The following DIP2C variants were observed in gnomAD, a reference collection of about 807,000 sequenced individuals.
DIP2C encodes disco-interacting protein 2 homolog C.
DIP2C carries 33 observed loss-of-function variants against 192.4 expected under a neutral mutation model. The ratio of observed to expected loss-of-function variants is 0.17; its 90% CI spans 0.13 to 0.23. DIP2C has a LOEUF of 0.23. DIP2C is among the 10% of genes least tolerant of loss of function. DIP2C has a pLI of 1.00. For synonymous variants in DIP2C, 979 were observed against 864.1 expected (o/e 1.13, Z -2.33); for missense variants, 1,537 against 2,110.1 (o/e 0.73, Z 5.32).
At chr10:644,379 T>C (rs1410558252) in intron 1 of DIP2C, among the ~76,000 whole-genome samples, 1 of 152,276 alleles carries the variant, frequency 6.6e-6, no homozygotes, top group Non-Finnish European at 1.5e-5. Context: ...GTGAAGCTGT[T>C]GAAAGCCTAC....
intron 1 of DIP2C, among the ~76,000 whole-genome samples, chr10:516,195 G>A (rs560071093): frequency 6.9e-6 from 1 of 144,828 alleles, no homozygotes; most frequent in African/African-American, 2.6e-5. Flanking sequence ...CTTCCGGGCA[G>A]GAAAGATGGA....
intron 1 of DIP2C, among the ~76,000 whole-genome samples, chr10:619,500 C>G (rs1283280782): frequency 7.0e-6 from 1 of 142,194 alleles, no homozygotes; most frequent in East Asian, 2.2e-4. Context: ...ATATCGGGAG[C>G]ACAGGCTTTA....
chr10:333,548 C>A (rs979965517), intron 29 of DIP2C, among the ~76,000 whole-genome samples: 1 of 152,218 alleles, frequency 6.6e-6, no homozygotes, highest in African/African-American at 2.4e-5. Flanking sequence ...CAGTCACCTG[C>A]TAGCGGATAC....
At chr10:439,003 G>A (rs906846351) in intron 4 of DIP2C, among the ~76,000 whole-genome samples, 1 of 151,956 alleles carries the variant, frequency 6.6e-6, no homozygotes, top group Non-Finnish European at 1.5e-5. Context: ...TTGTACTTTT[G>A]GTGGAGACAA....
At chr10:433,758 C>A (rs1966954186) in intron 4 of DIP2C, among the ~76,000 whole-genome samples, 1 of 152,030 alleles carries the variant, frequency 6.6e-6, no homozygotes. Context: ...ATATATATTT[C>A]TTTATATCTA....
At chr10:368,425 G>C (rs1165855020) in intron 18 of DIP2C, among the ~76,000 whole-genome samples, 1 of 152,250 alleles carries the variant, frequency 6.6e-6, no homozygotes, top group Non-Finnish European at 1.5e-5. Context: ...GGGAGGCAGG[G>C]AGTGGGCTGG....
intron 2 of DIP2C, among the ~76,000 whole-genome samples, chr10:483,147 T>C (rs1449846851): frequency 6.6e-6 from 1 of 152,166 alleles, no homozygotes; most frequent in Admixed American, 6.5e-5. Flanking sequence ...CCATTGTAGC[T>C]CGTAATTCTG....
chr10:486,906 G>T (rs1204718914), intron 1 of DIP2C, among the ~76,000 whole-genome samples: 1 of 152,196 alleles, frequency 6.6e-6, no homozygotes, highest in Non-Finnish European at 1.5e-5. Flanking sequence ...GGGCCGGGAT[G>T]GCCGACACCA....
At chr10:376,889 T>C (rs926131490) in intron 17 of DIP2C, among the ~76,000 whole-genome samples, 5 of 152,264 alleles carry the variant, frequency 3.3e-5, no homozygotes, top group African/African-American at 1.2e-4. Context: ...AATGTGCATG[T>C]ACCTTTTTCG....
At chr10:520,411 G>A in intron 1 of DIP2C, among the ~76,000 whole-genome samples, 1 of 152,228 alleles carries the variant, frequency 6.6e-6, no homozygotes, top group East Asian at 1.9e-4. Context: ...GATAAAGTTA[G>A]AAATAAATTT....
chr10:433,467 A>G (rs973489849), intron 4 of DIP2C, among the ~76,000 whole-genome samples: 39 of 152,136 alleles, frequency 2.6e-4, no homozygotes, highest in Non-Finnish European at 4.9e-4. Context: ...ACCTGAGGTC[A>G]GGAGTTCAAG....
At chr10:656,431 A>T (rs146522871) in intron 1 of DIP2C, among the ~76,000 whole-genome samples, 1 of 152,352 alleles carries the variant, frequency 6.6e-6, no homozygotes, top group South Asian at 2.1e-4. Flanking sequence ...GTCCCACTAC[A>T]TAAGAGCAGA....
At position 283,386 on chromosome 10, in the gene DIP2C, G is replaced by A; in HGVS notation, c.4180C>T (p.Leu1394Phe). 1.2e-6 allele frequency: 2 copies of A among 1,614,188 alleles called. No individual in the cohort carries two copies. The highest frequency in any genetic ancestry group is 1.7e-6 in the Non-Finnish European group (2 of 1,180,048). ...GYFTIYGDES[L>F]QSDHFNSRLS... ...CTTGAGTTGAAGTGATCTGACTGGA[G>A]GGATTCGTCTCCGTAAATAGTGAAA... The change falls in exon 35 of 37, where the codon CTC (leucine) becomes TTC (phenylalanine). Residue 1394 changes from leucine (L) to phenylalanine (F), a missense_variant. Leu to Phe is a conservative substitution (Grantham distance 22). This residue lies in a region of DIP2C where 341 missense variants were observed against 551.7 expected (regional missense o/e 0.62). Transcript: ENST00000280886.
chr10:286,811 ATGCT>A (rs1389409354), intron 33 of DIP2C, among the ~76,000 whole-genome samples: 1 of 152,228 alleles, frequency 6.6e-6, no homozygotes, highest in African/African-American at 2.4e-5. Flanking sequence ...ATGGAGGGTG[ATGCT>A]TGCAGTAATC....
At chr10:438,088 T>C (rs759690634) in intron 4 of DIP2C, among the ~76,000 whole-genome samples, 1 of 152,206 alleles carries the variant, frequency 6.6e-6, no homozygotes, top group Admixed American at 6.5e-5. Context: ...TTACAGAAGG[T>C]TTTTTATGGT....
chr10:594,934 G>A (rs1165077484), intron 1 of DIP2C, among the ~76,000 whole-genome samples: 1 of 152,176 alleles, frequency 6.6e-6, no homozygotes, highest in Non-Finnish European at 1.5e-5. Context: ...CAACTTCCAA[G>A]GCCTGCAAAG....
intron 22 of DIP2C, among the ~76,000 whole-genome samples, chr10:359,138 C>T (rs1182509493): frequency 2.0e-5 from 3 of 152,248 alleles, no homozygotes; most frequent in South Asian, 2.1e-4. Context: ...AACAAGGCTT[C>T]GGATGAGCCC....
At chr10:619,562 C>T (rs775860366) in intron 1 of DIP2C, among the ~76,000 whole-genome samples, 1 of 150,384 alleles carries the variant, frequency 6.6e-6, no homozygotes, top group Admixed American at 6.6e-5. Flanking sequence ...CAGCTCCTCA[C>T]GCACTCCCGT....
chr10:492,499 A>AG (rs1844519009), intron 1 of DIP2C, among the ~76,000 whole-genome samples: 1 of 152,274 alleles, frequency 6.6e-6, no homozygotes, highest in South Asian at 2.1e-4. Flanking sequence ...AGCCTGCACT[A>AG]GGATTCATAC....
Sources: gnomAD v4.1 joint callset for allele counts (sites outside exome capture counted in the v4.1 genomes callset) on GRCh38, gnomAD v4.1.1 for gene constraint, gnomAD v4.1.1 regional missense constraint, MANE v1.5 for transcripts, NCBI Gene and HGNC (gene_info 2026-07-23, HGNC 2026-07-21) for gene names.